MTNAP1: variants seen among roughly 807,000 people sequenced by gnomAD.
The protein encoded by MTNAP1 is mitochondrial nucleoid-associated protein 1.
At chr17:73,247,237 A>G in the MTNAP1 span, 2 of 1,613,562 alleles carry the variant, frequency 1.2e-6, no homozygotes, top group Middle Eastern at 1.7e-4. Flanking sequence ...TCTGGCCTTT[A>G]CAGAAAAATT....
the MTNAP1 span, chr17:73,245,172 G>A: frequency 6.2e-7 from 1 of 1,613,698 alleles, no homozygotes; most frequent in Admixed American, 1.7e-5. Context: ...CCAAAGAGCT[G>A]CAGCGGTGGC....
At chr17:73,235,574 T>C in the MTNAP1 span, 1 of 1,614,012 alleles carries the variant, frequency 6.2e-7, no homozygotes, top group Non-Finnish European at 8.5e-7. Context: ...TGTAAGATGA[T>C]AGGACCAACC....
the MTNAP1 span, among the ~76,000 whole-genome samples, chr17:73,240,866 G>C: frequency 1.7e-5 from 2 of 116,744 alleles, no homozygotes; most frequent in Non-Finnish European, 3.8e-5. Context: ...TTTTTTCCAA[G>C]ATGAATGGGT....
At chr17:73,247,217 A>G in the MTNAP1 span, 2 of 1,606,896 alleles carry the variant, frequency 1.2e-6, no homozygotes, top group East Asian at 4.5e-5. Flanking sequence ...AAAGCTGAAA[A>G]TATTTACTAT....
chr17:73,243,097 T>TTG, the MTNAP1 span: 15 of 978,128 alleles, frequency 1.5e-5, no homozygotes, highest in Non-Finnish European at 2.2e-5. Context: ...TTTTTTTTTT[T>TTG]TTTTACAGCT....
the MTNAP1 span, among the ~76,000 whole-genome samples, chr17:73,246,603 T>C: frequency 6.6e-6 from 1 of 152,226 alleles, no homozygotes; most frequent in Non-Finnish European, 1.5e-5. Context: ...CGTTTCTCTC[T>C]CTTCTCAAAG....
At chr17:73,237,130 T>C in the MTNAP1 span, 1 of 950,848 alleles carries the variant, frequency 1.1e-6, no homozygotes, top group Non-Finnish European at 1.5e-6. Context: ...GTAGACTGCA[T>C]ATAAAGTTGT....
the MTNAP1 span, chr17:73,248,634 T>C: frequency 6.5e-6 from 8 of 1,237,308 alleles, no homozygotes; most frequent in Non-Finnish European, 9.3e-6. Context: ...ACACCCAGGC[T>C]ACTGTCCATG....
At chr17:73,236,083 T>C in the MTNAP1 span, 1 of 1,614,152 alleles carries the variant, frequency 6.2e-7, no homozygotes, top group South Asian at 1.1e-5. Flanking sequence ...ACAAACTACC[T>C]CTGGTGATCT....
At chr17:73,242,080 A>T in the MTNAP1 span, among the ~76,000 whole-genome samples, 1 of 152,136 alleles carries the variant, frequency 6.6e-6, no homozygotes, top group African/African-American at 2.4e-5. Context: ...CCTGTAATTG[A>T]TTTGACTTTC....
the MTNAP1 span, chr17:73,247,158 C>A: frequency 7.9e-7 from 1 of 1,266,650 alleles, no homozygotes; most frequent in Non-Finnish European, 1.1e-6. Context: ...GGCTGTTTCA[C>A]ACAACAACAG....
chr17:73,247,278 AC>A, the MTNAP1 span: 2 of 1,614,148 alleles, frequency 1.2e-6, no homozygotes, highest in Non-Finnish European at 1.7e-6. Context: ...AGAGCACAGT[AC>A]CTCCATGCAT....
the MTNAP1 span, chr17:73,248,598 A>G: frequency 6.6e-7 from 1 of 1,509,046 alleles, no homozygotes; most frequent in African/African-American, 1.4e-5. Flanking sequence ...TCACCTTCCC[A>G]TCCATCCCGC....
chr17:73,235,869 G>A, the MTNAP1 span: 1 of 1,614,032 alleles, frequency 6.2e-7, no homozygotes, highest in Non-Finnish European at 8.5e-7. Context: ...CTAAACCAAT[G>A]ACTACTTTCC....
At chr17:73,235,175 G>A in the MTNAP1 span, among the ~76,000 whole-genome samples, 26 of 152,090 alleles carry the variant, frequency 1.7e-4, no homozygotes, top group Middle Eastern at 0.01. Flanking sequence ...AGCAGATATT[G>A]TGCCACTGCA....
the MTNAP1 span, chr17:73,248,739 G>T: frequency 3.6e-6 from 2 of 556,294 alleles, no homozygotes; most frequent in Non-Finnish European, 6.4e-6. Context: ...CGTGGTCTGT[G>T]TAAGTGGATT....
the MTNAP1 span, among the ~76,000 whole-genome samples, chr17:73,244,328 C>T: frequency 0.018 from 2,776 of 152,020 alleles, 89 homozygotes; most frequent in African/African-American, 0.062. Context: ...TTTGGGAGGC[C>T]GAGGCTGGCA....
chr17:73,242,398 T>C, the MTNAP1 span: 2 of 1,309,076 alleles, frequency 1.5e-6, no homozygotes, highest in East Asian at 2.5e-5. Context: ...GTTCTGGGCA[T>C]TTGGAAAAGT....
At chr17:73,236,393 T>C in the MTNAP1 span, 3 of 1,613,718 alleles carry the variant, frequency 1.9e-6, no homozygotes, top group Non-Finnish European at 2.5e-6. Context: ...ACCCTGGGAG[T>C]AGAGACGTGT....
Sources: allele counts gnomAD v4.1 joint callset (sites outside exome capture counted in the v4.1 genomes callset), GRCh38; gene constraint gnomAD v4.1.1; transcripts MANE v1.5; gene names NCBI Gene and HGNC (gene_info 2026-07-23, HGNC 2026-07-21).